Variants in CSMD3 observed in about 807,000 individuals in gnomAD.
CSMD3 encodes CUB and Sushi multiple domains 3.
A neutral mutation model predicts 435.2 loss-of-function variants in CSMD3; 177 were observed. That is an observed-to-expected ratio of 0.41 (90% confidence interval 0.36 to 0.46). CSMD3 has a LOEUF of 0.46. Among genes scored for constraint, CSMD3 ranks in the 20% least tolerant of loss-of-function variants. The pLI, the probability that CSMD3 is intolerant of heterozygous loss-of-function variation, is 0.34. For synonymous variants in CSMD3, 1,656 were observed against 1,520.5 expected (o/e 1.09, Z -2.07); for missense variants, 4,265 against 4,504.6 (o/e 0.95, Z 1.52).
intron 3 of CSMD3, among the ~76,000 whole-genome samples, chr8:113,178,078 T>C (rs1389627151): frequency 6.6e-6 from 1 of 151,946 alleles, no homozygotes; most frequent in African/African-American, 2.4e-5. Flanking sequence ...TGCTCTATGA[T>C]ATGTACTAGT....
intron 27 of CSMD3, among the ~76,000 whole-genome samples, chr8:112,523,686 C>T (rs149930051): frequency 2.0e-5 from 3 of 152,110 alleles, no homozygotes; most frequent in African/African-American, 7.2e-5. Context: ...CAGATGGTAA[C>T]CTAGAGGTGG....
intron 30 of CSMD3, among the ~76,000 whole-genome samples, chr8:112,501,285 T>A (rs1462369539): frequency 1.3e-5 from 2 of 151,334 alleles, no homozygotes; most frequent in African/African-American, 4.9e-5. Flanking sequence ...CTCGGGACCA[T>A]AGTTAAAACA....
At chr8:113,062,662 T>A (rs2131370729) in intron 5 of CSMD3, among the ~76,000 whole-genome samples, 1 of 151,960 alleles carries the variant, frequency 6.6e-6, no homozygotes, top group South Asian at 2.1e-4. Context: ...AACCATATCA[T>A]TAAAATATTA....
chr8:112,718,153 T>G (rs2131954402), intron 13 of CSMD3, among the ~76,000 whole-genome samples: 1 of 152,252 alleles, frequency 6.6e-6, no homozygotes, highest in Middle Eastern at 3.4e-3. Context: ...TGCATAATCC[T>G]CAGGCTCATG....
chr8:112,662,472 G>A (rs1316485405), intron 17 of CSMD3, among the ~76,000 whole-genome samples: 2 of 152,046 alleles, frequency 1.3e-5, no homozygotes, highest in African/African-American at 4.8e-5. Flanking sequence ...CTAGCCATAT[G>A]TAGAAAGCTG....
At chr8:113,106,689 A>ATGAGGTGTTGCTGGGAGGCAGCTGCCAGC (rs2090487328) in intron 4 of CSMD3, among the ~76,000 whole-genome samples, 1 of 152,200 alleles carries the variant, frequency 6.6e-6, no homozygotes, top group African/African-American at 2.4e-5. Flanking sequence ...ACTTCCATTT[A>ATGAGGTGTTGCTGGGAGGCAGCTGCCAGC]TGAGGTGTTG....
intron 3 of CSMD3, among the ~76,000 whole-genome samples, chr8:113,182,857 G>A (rs1310576375): frequency 6.7e-6 from 1 of 149,938 alleles, no homozygotes; most frequent in African/African-American, 2.4e-5. Flanking sequence ...GAGATGCACA[G>A]CAGTTTTGTT....
intron 13 of CSMD3, among the ~76,000 whole-genome samples, chr8:112,751,367 G>A (rs1435537419): frequency 6.6e-6 from 1 of 151,802 alleles, no homozygotes; most frequent in African/African-American, 2.4e-5. Flanking sequence ...AAAGAGGAGA[G>A]GAAAGAACAC....
intron 9 of CSMD3, among the ~76,000 whole-genome samples, chr8:112,945,910 C>T (rs1044381295): frequency 1.8e-4 from 27 of 151,600 alleles, no homozygotes; most frequent in African/African-American, 6.0e-4. Flanking sequence ...CCAATATCCA[C>T]GGGAGTAGGA....
rs183243358 is a variant in CSMD3, at chr8:112,336,713, C to T, written c.6958G>A (p.Gly2320Ser). 18 of 1,613,240 alleles carry T rather than the reference C, an allele frequency of 1.1e-5. No individual in the cohort carries two copies. The East Asian group carries it at 3.6e-4, about 32-fold the overall frequency. ...AGGACAGTAAAATTGATGTAGATGC[C>T]ATTCCCAGGGGGTACTCTTACAAGC... ...FWLVRVPPGN[G>S]IYINFTVLQT... The change falls in exon 44 of 71, where the codon GGC (glycine) becomes AGC (serine). Residue 2320 changes from glycine (G) to serine (S), a missense_variant. Physicochemically the swap from Gly to Ser is moderately conservative, Grantham distance 56 (BLOSUM62 0). This residue lies in a region of CSMD3 where 3,255 missense variants were observed against 3,380.2 expected (regional missense o/e 0.96). Transcript: ENST00000297405.
chr8:112,602,348 C>T, intron 22 of CSMD3, among the ~76,000 whole-genome samples: 1 of 152,040 alleles, frequency 6.6e-6, no homozygotes, highest in Admixed American at 6.6e-5. Flanking sequence ...GGTGGACCAC[C>T]TGAGGTCAGG....
At position 113,176,329 on chromosome 8, in the gene CSMD3, C is replaced by T. The variant is rs187587151; in HGVS notation, c.515-2413G>A. 9.8e-3 allele frequency among the ~76,000 whole-genome samples: 1,493 copies of T among 152,080 alleles called. 94 individuals are homozygous for T. The highest frequency in any genetic ancestry group is 0.089 in the Admixed American group (1,351 of 15,234). ...GTTTTACATTCAGGTTTAATCAATC[C>T]TGATTCTATAACCACTGCTCATGGA... On this transcript the variant is annotated intron_variant, in intron 3 of 70. Transcript: ENST00000297405.
intron 1 of CSMD3, among the ~76,000 whole-genome samples, chr8:113,420,920 A>G (rs11991205): frequency 0.018 from 2,736 of 151,836 alleles, 93 homozygotes; most frequent in African/African-American, 0.06. Context: ...TTGCACTCCA[A>G]TGAGATTCCG....
intron 26 of CSMD3, among the ~76,000 whole-genome samples, chr8:112,551,329 A>C (rs528542298): frequency 6.6e-6 from 1 of 152,292 alleles, no homozygotes; most frequent in East Asian, 1.9e-4. Flanking sequence ...AAAGAGTGGC[A>C]TAGTCAAAAA....
At chr8:112,630,656 G>C (rs2074488837) in intron 22 of CSMD3, among the ~76,000 whole-genome samples, 1 of 152,062 alleles carries the variant, frequency 6.6e-6, no homozygotes, top group South Asian at 2.1e-4. Context: ...TAAGTCATAA[G>C]GACTGCTCTG....
At position 112,963,676 on chromosome 8, in the gene CSMD3, C is replaced by T. The variant is rs187125375; in HGVS notation, c.1343-8915G>A. 1.3e-4 allele frequency among the ~76,000 whole-genome samples: 20 copies of T among 151,910 alleles called. 1 individual carries two copies. In the East Asian group the frequency reaches 1.5e-3, roughly 12 times the overall value. On this transcript the variant is annotated intron_variant, in intron 7 of 70. Coordinates refer to ENST00000297405, the MANE Select transcript of CSMD3 (RefSeq NM_198123.2). ...AGAGTAGATAAACAAAATTTAAATG[C>T]GTTGGCTGTATTGAAATTGAAAAGT...
chr8:113,019,936 G>C (rs1167008056), intron 5 of CSMD3, among the ~76,000 whole-genome samples: 3 of 151,768 alleles, frequency 2.0e-5, no homozygotes, highest in African/African-American at 7.3e-5. Context: ...GGCCGAGGCG[G>C]GTGGATCATG....
intron 10 of CSMD3, among the ~76,000 whole-genome samples, chr8:112,863,829 C>G (rs2080892509): frequency 2.0e-5 from 3 of 151,666 alleles, no homozygotes; most frequent in South Asian, 4.2e-4. Context: ...TATAAGAATT[C>G]CATGCCTACA....
intron 1 of CSMD3, among the ~76,000 whole-genome samples, chr8:113,338,887 T>G (rs1214548605): frequency 1.3e-5 from 2 of 152,016 alleles, no homozygotes; most frequent in African/African-American, 4.8e-5. Flanking sequence ...GTATTTTATT[T>G]TGTATTCTCT....
Sources: gnomAD v4.1 joint callset for allele counts (sites outside exome capture counted in the v4.1 genomes callset) on GRCh38, gnomAD v4.1.1 for gene constraint, gnomAD v4.1.1 regional missense constraint, MANE v1.5 for transcripts, NCBI Gene and HGNC (gene_info 2026-07-23, HGNC 2026-07-21) for gene names.